CDC42EP3: variants seen among roughly 807,000 people sequenced by gnomAD.
CDC42EP3 encodes CDC42 effector protein 3, also known as CDC42 effector protein (Rho GTPase binding) 3.
CDC42EP3 carries 4 observed loss-of-function variants against 15.5 expected under a neutral mutation model. The observed-to-expected ratio is 0.26, with a 90% CI of 0.13 to 0.59. The LOEUF (loss-of-function observed/expected upper bound fraction) is 0.59. Among genes scored for constraint, CDC42EP3 ranks in the 20% least tolerant of loss-of-function variants. The pLI is 0.89. For synonymous variants in CDC42EP3, 145 were observed against 130.3 expected (o/e 1.11, Z -0.77); for missense variants, 309 against 311.2 (o/e 0.99, Z 0.05).
intron 1 of CDC42EP3, among the ~76,000 whole-genome samples, chr2:37,653,310 G>C (rs955497989): frequency 1.3e-5 from 2 of 152,154 alleles, no homozygotes; most frequent in Admixed American, 6.5e-5. Context: ...ATACACAAAA[G>C]GACCGGAGAG....
At chr2:37,649,376 G>A (rs1177848494) in intron 1 of CDC42EP3, among the ~76,000 whole-genome samples, 1 of 140,828 alleles carries the variant, frequency 7.1e-6, no homozygotes, top group Non-Finnish European at 1.5e-5. Context: ...GACTGGTTGA[G>A]CCCAGGAATT....
Position 37,646,099 on chromosome 2 carries a change from C to T in CDC42EP3, c.489G>A (p.Gly163=). ...AQEKSSLLEN[G]TVHQGDTSWG... is the part of the protein sequence containing the mutation. Reference sequence around the variant, plus strand: ...ACGAGGTGTCTCCCTGGTGGACTGTCCCATTCTCCAACAGACTGCTTTTCT... The same window carrying T: ...ACGAGGTGTCTCCCTGGTGGACTGTTCCATTCTCCAACAGACTGCTTTTCT... Residue 163 remains glycine (G), a synonymous_variant, in exon 2 of 2, where the codon GGG becomes GGA. Coordinates refer to ENST00000295324, the MANE Select transcript of CDC42EP3 (RefSeq NM_006449.5). 1.2e-6 allele frequency: 2 copies of T among 1,614,220 alleles called. No homozygotes were observed. The highest frequency in any genetic ancestry group is 1.7e-6 in the Non-Finnish European group (2 of 1,180,046).
chr2:37,651,388 G>T (rs1222463348), intron 1 of CDC42EP3, among the ~76,000 whole-genome samples: 1 of 152,174 alleles, frequency 6.6e-6, no homozygotes, highest in Non-Finnish European at 1.5e-5. Context: ...CTTTCCTGGA[G>T]AGCCAATTTT....
chr2:37,663,927 C>T (rs1350818064), intron 1 of CDC42EP3, among the ~76,000 whole-genome samples: 1 of 152,090 alleles, frequency 6.6e-6, no homozygotes, highest in Non-Finnish European at 1.5e-5. Flanking sequence ...GTAATCCCAG[C>T]ACTTTGGGAG....
chr2:37,648,601 G>A (rs190298022), intron 1 of CDC42EP3, among the ~76,000 whole-genome samples: 1 of 152,350 alleles, frequency 6.6e-6, no homozygotes, highest in Admixed American at 6.5e-5. Flanking sequence ...GGTATGGGGA[G>A]GAGGCAGAGA....
chr2:37,666,295 T>C (rs1285574401), intron 1 of CDC42EP3, among the ~76,000 whole-genome samples: 2 of 152,196 alleles, frequency 1.3e-5, no homozygotes, highest in African/African-American at 2.4e-5. Flanking sequence ...AGATTCACTA[T>C]ATACACTGGC....
At position 37,645,180 on chromosome 2, in the gene CDC42EP3, T is replaced by C. The variant is rs1324781481; in HGVS notation, c.*643A>G. 1 of 152,632 alleles carries C rather than the reference T, an allele frequency of 6.6e-6. No homozygotes were observed. The highest frequency in any genetic ancestry group is 2.1e-4 in the South Asian group (1 of 4,832). The allele number at this position is 152,632 out of a possible 1,614,324, so 9.5% of individuals were successfully genotyped here. A position where few individuals can be genotyped will look rare whatever the true frequency, so the allele number is the denominator to read the frequency against. On this transcript the variant is annotated 3_prime_UTR_variant, in exon 2 of 2. Coordinates refer to ENST00000295324, the MANE Select transcript of CDC42EP3 (RefSeq NM_006449.5). ...AAAAAGCCAAAGGCACGTAAAAATATATTTTAACTTTAAAAATAACTTAGT... is the reference window on the plus strand; with the variant it reads ...AAAAAGCCAAAGGCACGTAAAAATACATTTTAACTTTAAAAATAACTTAGT...
At chr2:37,668,250 T>C (rs1666304058) in intron 1 of CDC42EP3, among the ~76,000 whole-genome samples, 1 of 152,190 alleles carries the variant, frequency 6.6e-6, no homozygotes, top group African/African-American at 2.4e-5. Context: ...TGGGGACCAC[T>C]GTACTATCTC....
intron 1 of CDC42EP3, among the ~76,000 whole-genome samples, chr2:37,647,126 T>G (rs1219213383): frequency 3.3e-5 from 5 of 152,258 alleles, no homozygotes; most frequent in Non-Finnish European, 5.9e-5. Flanking sequence ...ATCAGTGATT[T>G]CAGCTCCTTA....
intron 1 of CDC42EP3, among the ~76,000 whole-genome samples, chr2:37,670,111 G>T (rs1238152641): frequency 1.3e-5 from 2 of 152,156 alleles, no homozygotes; most frequent in African/African-American, 4.8e-5. Flanking sequence ...AACATTACAG[G>T]AGCCTTTTAA....
At chr2:37,670,950 C>T (rs991368542) in intron 1 of CDC42EP3, among the ~76,000 whole-genome samples, 1 of 150,036 alleles carries the variant, frequency 6.7e-6, no homozygotes, top group Non-Finnish European at 1.5e-5. Flanking sequence ...TCCAGATCTG[C>T]AGGTTGGCGC....
rs1282668195 is a variant in CDC42EP3 at position 37,655,876 on chromosome 2, ATTAATAT to A, written c.-235-9061_-235-9055del. Among the ~76,000 whole-genome samples the A allele has an allele frequency of 2.0e-5, 3 of 152,236 alleles. No homozygotes were observed. In the East Asian group the frequency reaches 5.8e-4, roughly 29 times the overall value. ...ACTTGCTCTCAGTTGCTCACAAAAT[ATTAATAT>A]TTAAGTCAGCAATTATTCTATGCAG... On this transcript the variant is annotated intron_variant, in intron 1 of 1. Transcript: ENST00000295324.
intron 1 of CDC42EP3, among the ~76,000 whole-genome samples, chr2:37,656,255 A>T (rs1028717856): frequency 6.6e-6 from 1 of 152,230 alleles, no homozygotes; most frequent in Non-Finnish European, 1.5e-5. Context: ...CGTTATTTGT[A>T]TATGTGTTAC....
At chr2:37,651,244 G>A (rs142854790) in intron 1 of CDC42EP3, among the ~76,000 whole-genome samples, 2 of 152,224 alleles carry the variant, frequency 1.3e-5, no homozygotes, top group African/African-American at 4.8e-5. Flanking sequence ...AGGGGAAGTA[G>A]ATGGAAGGGG....
At chr2:37,669,578 AGAG>A (rs1309912408) in intron 1 of CDC42EP3, among the ~76,000 whole-genome samples, 1 of 152,366 alleles carries the variant, frequency 6.6e-6, no homozygotes, top group Admixed American at 6.5e-5. Flanking sequence ...ATTGAGGGAA[AGAG>A]GAGCTCATCT....
intron 1 of CDC42EP3, among the ~76,000 whole-genome samples, chr2:37,659,942 C>A (rs955618482): frequency 1.3e-5 from 2 of 152,128 alleles, no homozygotes; most frequent in African/African-American, 4.8e-5. Flanking sequence ...CTGGCCTGAG[C>A]GGGGGAAGAG....
At chr2:37,656,979 G>GC (rs796652094) in intron 1 of CDC42EP3, among the ~76,000 whole-genome samples, 2,425 of 79,636 alleles carry the variant, frequency 0.03, 66 homozygotes, top group Non-Finnish European at 0.04. Context: ...AAGTAACAAA[G>GC]CCCCCCCCCC....
At chr2:37,668,650 C>T (rs1168782486) in intron 1 of CDC42EP3, among the ~76,000 whole-genome samples, 1 of 152,150 alleles carries the variant, frequency 6.6e-6, no homozygotes, top group Admixed American at 6.5e-5. Flanking sequence ...AAACTGCACA[C>T]GCATGTTTAG....
rs528568350 is a variant in CDC42EP3, at chr2:37,648,846, C to A, written c.-235-2024G>T. Reference sequence around the variant, plus strand: ...CCCCCTGCTGTTCAGAGGTGGCCTCCCTGCCCTTTGGGCACAGTGTGGCTG... The same window carrying A: ...CCCCCTGCTGTTCAGAGGTGGCCTCACTGCCCTTTGGGCACAGTGTGGCTG... On this transcript the variant is annotated intron_variant, in intron 1 of 1. Transcript: ENST00000295324. Among the ~76,000 whole-genome samples the A allele has an allele frequency of 2.6e-4, 40 of 152,046 alleles. 1 individual carries two copies. The South Asian group carries it at 7.7e-3, about 29-fold the overall frequency.
Sources: allele counts gnomAD v4.1 joint callset (sites outside exome capture counted in the v4.1 genomes callset), GRCh38; gene constraint gnomAD v4.1.1; transcripts MANE v1.5; gene names NCBI Gene and HGNC (gene_info 2026-07-23, HGNC 2026-07-21).